The following SETD1B variants were observed in gnomAD, a reference collection of about 807,000 sequenced individuals.
SETD1B encodes histone-lysine N-methyltransferase SETD1B.
A neutral mutation model predicts 148.0 loss-of-function variants in SETD1B; 7 were observed. That is an observed-to-expected ratio of 0.05 (90% CI 0.03 to 0.09). The LOEUF (loss-of-function observed/expected upper bound fraction) is 0.09, where lower values mean the gene tolerates loss of function less well. Ranked by LOEUF, SETD1B falls within the 10% of genes least tolerant of loss-of-function variation. The pLI, the probability that SETD1B is intolerant of heterozygous loss-of-function variation, is 1.00. For missense variants in SETD1B, 2,155 were observed against 2,729.9 expected (o/e 0.79, Z 4.69); for synonymous variants, 1,361 against 1,186.5 (o/e 1.15, Z -3.02).
At chr12:121,802,586 C>T (rs1389586790), upstream of SETD1B, 2 of 152,182 alleles carry the variant, frequency 1.3e-5, no homozygotes, top group Non-Finnish European at 2.9e-5. Flanking sequence ...AAGCTCCCCC[C>T]ACCCACCCAT....
At chr12:121,828,343 A>G (rs1394594531) in intron 16 of SETD1B, among the ~76,000 whole-genome samples, 2 of 152,192 alleles carry the variant, frequency 1.3e-5, no homozygotes, top group Non-Finnish European at 2.9e-5. Context: ...GTTCATTGGT[A>G]ATTTCGGAGT....
chr12:121,819,965 G>C, intron 11 of SETD1B, 70 bp downstream of exon 11: 1 of 1,319,150 alleles, frequency 7.6e-7, no homozygotes, highest in Non-Finnish European at 1.0e-6. Context: ...GAATCAGCCC[G>C]GGCTTCCTGG....
chr12:121,807,534 G>A lies in SETD1B; in HGVS notation c.545-674G>A, dbSNP rs909925092. Among the ~76,000 whole-genome samples, 3 of 151,792 alleles carry A rather than the reference G, an allele frequency of 2.0e-5. No individual in the cohort carries two copies. The East Asian group carries it at 5.8e-4, about 29-fold the overall frequency. ...AACTAAGTTTGTATTTCAAGAAAGA[G>A]ACCAGTAAAGTGTAGCTCCAGGAAC... On this transcript the variant is annotated intron_variant, in intron 4 of 16. Coordinates refer to ENST00000604567, the MANE Select transcript of SETD1B (RefSeq NM_001353345.2).
In SETD1B at chr12:121,830,695, G is replaced by C. The variant is rs1208621855; in HGVS notation, c.*456G>C. On this transcript the variant is annotated 3_prime_UTR_variant, in exon 17 of 17. Transcript: ENST00000604567. The surrounding 1 kb of genome is among the most constrained non-coding windows in gnomAD (Gnocchi z 5.7). Reference sequence around the variant, plus strand: ...TGGAATCAGAGAGGGGCCCCGCGGGGGTCTGCAGAGGCCTCAGTGTGGCTG... The same window carrying C: ...TGGAATCAGAGAGGGGCCCCGCGGGCGTCTGCAGAGGCCTCAGTGTGGCTG... 6.4e-6 allele frequency: 1 copy of C among 156,698 alleles called. No individual in the cohort carries two copies. Among genetic ancestry groups the C allele is most frequent in the African/African-American group, 2.4e-5 (1 of 41,488 alleles). The allele number at this position is 156,698 out of a possible 1,614,324, so 9.7% of individuals were successfully genotyped here. A position where few individuals can be genotyped will look rare whatever the true frequency, so the allele number is the denominator to read the frequency against.
the SETD1B span, chr12:121,793,985 G>C: frequency 4.8e-6 from 1 of 208,196 alleles, no homozygotes; most frequent in Non-Finnish European, 9.5e-6. Flanking sequence ...CTGATTAGCA[G>C]GCTCCGCCTT....
chr12:121,797,296 T>A, the SETD1B span: 50 of 382,214 alleles, frequency 1.3e-4, no homozygotes, highest in South Asian at 6.2e-4. Context: ...TGCCACCTCC[T>A]GGCCGGCCCT....
In SETD1B at chr12:121,813,512, A is replaced by C. The variant is rs757216512; in HGVS notation, c.1891-594A>C. Among the ~76,000 whole-genome samples, 8 of 152,224 alleles carry C rather than the reference A, an allele frequency of 5.3e-5. No individual in the cohort carries two copies. In the East Asian group the frequency reaches 1.5e-3, roughly 29 times the overall value. On this transcript the variant is annotated intron_variant, in intron 6 of 16. Coordinates refer to ENST00000604567, the MANE Select transcript of SETD1B (RefSeq NM_001353345.2). ...TGTGTGGCCTTGGGCAGGTTACTTAAATTCTCTGTGCCCCAGTTTCCTCGT... is the reference window on the plus strand; with the variant it reads ...TGTGTGGCCTTGGGCAGGTTACTTACATTCTCTGTGCCCCAGTTTCCTCGT...
At position 121,814,493 on chromosome 12, in the gene SETD1B, A is replaced by G. The variant is rs1417003991; in HGVS notation, c.2278A>G (p.Met760Val). The G allele has an allele frequency of 1.4e-6, 2 of 1,455,926 alleles. No homozygotes were observed. Among genetic ancestry groups the G allele is most frequent in the Non-Finnish European group, 1.8e-6 (2 of 1,100,172 alleles). 90.2% of individuals were successfully genotyped at this position (1,455,926 alleles called of 1,614,324 possible). A position where few individuals can be genotyped will look rare whatever the true frequency, so the allele number is the denominator to read the frequency against. ...CCTGTTCCCTGTGATGCAGGTGGAC[A>G]TGAGCCACGTGCTGGGTGGCCAGTG... Reference protein sequence around the residue: ...PGLFPVMQVDMSHVLGGQWGG... With the variant: ...PGLFPVMQVDVSHVLGGQWGG... Residue 760 changes from methionine (M) to valine (V), a missense_variant, in exon 7 of 17, where the codon ATG becomes GTG. Met to Val is a conservative substitution (Grantham distance 21). This residue lies in a region of SETD1B where 289 missense variants were observed against 423.7 expected (regional missense o/e 0.68). Coordinates refer to ENST00000604567, the MANE Select transcript of SETD1B (RefSeq NM_001353345.2).
At position 121,817,813 on chromosome 12, in the gene SETD1B, C is replaced by T. The variant is rs370880653; in HGVS notation, c.3327C>T (p.Asp1109=). ...SSTSDKDDDD[D]DSDDRDESEN... ...TTCTCCCCCAGGATGACGACGATGA[C>T]GACAGTGATGACCGGGACGAGTCTG... The change falls in exon 10 of 17, where the codon GAC becomes GAT. Residue 1109 remains aspartate, a synonymous_variant. Coordinates refer to ENST00000604567, the MANE Select transcript of SETD1B (RefSeq NM_001353345.2). This position sits in a 1 kb window ranked among gnomAD's most constrained non-coding sequence, Gnocchi z 8.1. The T allele has an allele frequency of 2.9e-5, 45 of 1,550,418 alleles. No individual in the cohort carries two copies. Among genetic ancestry groups the T allele is most frequent in the African/African-American group, 1.1e-4 (8 of 73,148 alleles).
chr12:121,819,466 T>G lies in SETD1B; in HGVS notation c.3481T>G (p.Ser1161Ala), dbSNP rs758356484. Residue 1161 changes from serine to alanine, a missense_variant, in exon 11 of 17, where the codon TCT (serine) becomes GCT (alanine). Transcript: ENST00000604567. ...EATSSSESSESSEFESSSESS... is the reference protein window; with the variant it reads ...EATSSSESSEASEFESSSESS... ...CACGTCGTCCAGTGAGAGTTCCGAG[T>G]CTTCTGAGTTTGAGTCAAGCTCCGA... 1.5e-5 allele frequency: 24 copies of G among 1,551,782 alleles called. No individual in the cohort carries two copies. Among genetic ancestry groups the G allele is most frequent in the South Asian group, 1.3e-4 (11 of 84,034 alleles).
Position 121,810,690 on chromosome 12 carries a change from A to G in SETD1B, c.1745A>G (p.Glu582Gly). ...CCAACACCCCTCCCAGACTCCGACG[A>G]GGACGAGGAGCTCGACCTGGGCCTT... ...ISPTPLPDSD[E>G]DEELDLGLGP... Residue 582 changes from glutamate to glycine, a missense_variant, in exon 6 of 17, where the codon GAG becomes GGG. Coordinates refer to ENST00000604567, the MANE Select transcript of SETD1B (RefSeq NM_001353345.2). This position sits in a 1 kb window ranked among gnomAD's most constrained non-coding sequence, Gnocchi z 7.6. 6.4e-7 allele frequency: 1 copy of G among 1,550,892 alleles called. No individual in the cohort carries two copies.
chr12:121,825,143 A>T (rs1046673672), intron 12 of SETD1B, 57 bp from the exon 13 acceptor site: 1 of 1,522,306 alleles, frequency 6.6e-7, no homozygotes, highest in East Asian at 2.5e-5. Context: ...GGACCAGTCT[A>T]TGAAGGGACC....
the SETD1B span, chr12:121,793,546 A>C: frequency 6.5e-7 from 1 of 1,546,772 alleles, no homozygotes; most frequent in Non-Finnish European, 8.7e-7. Flanking sequence ...GTCTTGCCGC[A>C]GCCGCCGTCG....
At chr12:121,813,351 A>G (rs144600843) in intron 6 of SETD1B, among the ~76,000 whole-genome samples, 89 of 152,352 alleles carry the variant, frequency 5.8e-4, no homozygotes, top group African/African-American at 2.1e-3. Flanking sequence ...TATGGGCCTT[A>G]GTGCTGCTAA....
chr12:121,826,157 C>T (rs1468561033), intron 13 of SETD1B, among the ~76,000 whole-genome samples: 1 of 152,120 alleles, frequency 6.6e-6, no homozygotes, highest in Non-Finnish European at 1.5e-5. Context: ...GCGATCCTCC[C>T]GTCTCAGCCT....
chr12:121,819,414 G>A lies in SETD1B; in HGVS notation c.3429G>A (p.Val1143=), dbSNP rs1367270789. Residue 1143 remains valine, a synonymous_variant, in exon 11 of 17, where the codon GTG becomes GTA. Coordinates refer to ENST00000604567, the MANE Select transcript of SETD1B (RefSeq NM_001353345.2). ...GTGTCCCCCATCCAGAGGAGACAGT[G>A]AGCATTGTAACCTCCAAGGCCGAAG... ...DEGDSDEEET[V]SIVTSKAEAT... 3 of 1,551,784 alleles carry A rather than the reference G, an allele frequency of 1.9e-6. No homozygotes were observed. Among genetic ancestry groups the A allele is most frequent in the African/African-American group, 1.4e-5 (1 of 73,034 alleles).
intron 11 of SETD1B, among the ~76,000 whole-genome samples, chr12:121,820,492 A>G (rs1341026875): frequency 6.6e-6 from 1 of 152,232 alleles, no homozygotes; most frequent in Non-Finnish European, 1.5e-5. Context: ...TTTGGCTTAC[A>G]TAGATAGCTG....
At chr12:121,827,036 C>T (rs1346836553) in intron 13 of SETD1B, among the ~76,000 whole-genome samples, 3 of 152,110 alleles carry the variant, frequency 2.0e-5, no homozygotes, top group East Asian at 1.9e-4. Context: ...GTGTAGGCAT[C>T]GCCAGGAGAG....
Position 121,809,894 on chromosome 12 carries a change from T to C in SETD1B, c.949T>C (p.Phe317Leu). ...CAAGGCCCGGCGCCACGAGAGCAAG[T>C]TCACGGACGCCTACAACCGCCGCCA... Reference protein sequence around the residue: ...TFKARRHESKFTDAYNRRHEH... With the variant: ...TFKARRHESKLTDAYNRRHEH... Residue 317 changes from phenylalanine (F) to leucine (L), a missense_variant, in exon 6 of 17, where the codon TTC becomes CTC. By Grantham distance (22) the Phe-to-Leu change is conservative (BLOSUM62 0). Around this residue, in one of 11 missense-constraint regions of SETD1B, gnomAD observed 376 missense variants for 385.0 expected, o/e 0.98. Coordinates refer to ENST00000604567, the MANE Select transcript of SETD1B (RefSeq NM_001353345.2). 6.4e-7 allele frequency: 1 copy of C among 1,550,692 alleles called. No individual in the cohort carries two copies. Among genetic ancestry groups the C allele is most frequent in the Non-Finnish European group, 8.7e-7 (1 of 1,146,872 alleles).
Sources: gnomAD v4.1 joint callset for allele counts (sites outside exome capture counted in the v4.1 genomes callset) on GRCh38, gnomAD v4.1.1 for gene constraint, gnomAD v4.1.1 regional missense constraint, Gnocchi (gnomAD v3.1) non-coding constraint, MANE v1.5 for transcripts, NCBI Gene and HGNC (gene_info 2026-07-23, HGNC 2026-07-21) for gene names.